Variants in AR observed in about 807,000 individuals in gnomAD.
AR encodes androgen receptor.
AR carries 8 observed loss-of-function variants against 53.9 expected under a neutral mutation model. The observed-to-expected ratio is 0.15, with a 90% CI of 0.09 to 0.27. The LOEUF (loss-of-function observed/expected upper bound fraction) is 0.27. Ranked by LOEUF, AR falls within the 10% of genes least tolerant of loss-of-function variation. The pLI, the probability that AR is intolerant of heterozygous loss-of-function variation, is 1.00. For missense variants in AR, 639 were observed against 742.5 expected, an observed-to-expected ratio of 0.86 and a Z score of 1.62; for synonymous variants, 359 against 316.4, an observed-to-expected ratio of 1.13 and a Z score of -1.43.
rs2147318559 is a variant in AR at position 67,545,956 on chromosome X, C to G, written c.810C>G (p.Ala270=). Residue 270 remains alanine, a synonymous_variant, in exon 1 of 8, where the codon GCC becomes GCG. Transcript: ENST00000374690. Reference sequence around the variant, plus strand: ...AGCTTCGGGGGGATTGCATGTACGCCCCACTTTTGGGAGTTCCACCCGCTG... The same window carrying G: ...AGCTTCGGGGGGATTGCATGTACGCGCCACTTTTGGGAGTTCCACCCGCTG... ...GEQLRGDCMY[A]PLLGVPPAVR... 9 of 1,212,265 alleles carry G rather than the reference C, an allele frequency of 7.4e-6. No individual in the cohort carries two copies. The highest frequency in any genetic ancestry group is 1.0e-5 in the Non-Finnish European group (9 of 895,620).
chrX:67,631,897 C>T (rs1323384822), intron 1 of AR, among the ~76,000 whole-genome samples: 2 of 112,905 alleles, frequency 1.8e-5, no homozygotes, highest in Admixed American at 9.3e-5. Context: ...AGTACCCGGC[C>T]GTGTGAGGTG....
chrX:67,568,938 A>G (rs1921675757), intron 1 of AR: 1 of 1,206,856 alleles, frequency 8.3e-7, no homozygotes. Context: ...TTTGTACCGG[A>G]CTTTGTACAG....
At chrX:67,667,487 T>A (rs893273901) in intron 2 of AR, among the ~76,000 whole-genome samples, 1 of 111,707 alleles carries the variant, frequency 9.0e-6, no homozygotes, top group African/African-American at 3.2e-5. Context: ...AATCAGGTAA[T>A]GTGATTCTTC....
chrX:67,643,400 C>T lies in AR; in HGVS notation c.1761C>T (p.Ala587=), dbSNP rs756485947. Residue 587 remains alanine (A), a synonymous_variant, in exon 2 of 8, where the codon GCC becomes GCT. Coordinates refer to ENST00000374690, the MANE Select transcript of AR (RefSeq NM_000044.6). ...GCTGCAAGGTCTTCTTCAAAAGAGC[C>T]GCTGAAGGTAAAGGGTCTTGCACAT... ...CGSCKVFFKR[A]AEGKQKYLCA... The T allele has an allele frequency of 4.2e-5, 51 of 1,207,388 alleles. No homozygotes were observed. Among genetic ancestry groups the T allele is most frequent in the East Asian group, 3.0e-5 (1 of 33,669 alleles).
Position 67,729,097 on chromosome X carries a change from A to T in AR, c.*5256A>T, listed in dbSNP as rs1237103765. On this transcript the variant is annotated 3_prime_UTR_variant, in exon 8 of 8. Transcript: ENST00000374690. ...AGCAAGCGCTCTATCTTTCACACAAATTCCCTCACCTGAGATTGAGGTGCT... is the reference window on the plus strand; with the variant it reads ...AGCAAGCGCTCTATCTTTCACACAATTTCCCTCACCTGAGATTGAGGTGCT... The T allele has an allele frequency of 5.7e-6, 1 of 174,629 alleles. No homozygotes were observed. Among genetic ancestry groups the T allele is most frequent in the Non-Finnish European group, 1.1e-5 (1 of 91,418 alleles). 14.4% of individuals were successfully genotyped at this position (174,629 alleles called of 1,213,427 possible).
Position 67,725,364 on chromosome X carries a change from C to G in AR, c.*1523C>G, listed in dbSNP as rs1241355451. ...AGCTGGGCGTCTTGCCCTTGTCCCCCAGAGATGATACCCTCCCAGCAAGTG... is the reference window on the plus strand; with the variant it reads ...AGCTGGGCGTCTTGCCCTTGTCCCCGAGAGATGATACCCTCCCAGCAAGTG... On this transcript the variant is annotated 3_prime_UTR_variant, in exon 8 of 8. Coordinates refer to ENST00000374690, the MANE Select transcript of AR (RefSeq NM_000044.6). The G allele has an allele frequency of 5.7e-6, 1 of 174,138 alleles. No individual in the cohort carries two copies. Among genetic ancestry groups the G allele is most frequent in the East Asian group, 8.1e-5 (1 of 12,329 alleles). 14.4% of individuals were successfully genotyped at this position (174,138 alleles called of 1,213,427 possible).
chrX:67,684,155 G>C (rs1347061505), intron 2 of AR, among the ~76,000 whole-genome samples: 2 of 111,762 alleles, frequency 1.8e-5, no homozygotes, highest in African/African-American at 3.3e-5. Context: ...ACCAGTTCTA[G>C]AACAGCTACA....
intron 1 of AR, among the ~76,000 whole-genome samples, chrX:67,626,634 ATT>A (rs57235951): frequency 2.2e-5 from 2 of 89,125 alleles, no homozygotes; most frequent in African/African-American, 7.5e-5. Context: ...ATATATATAT[ATT>A]TATTATTATT....
chrX:67,629,958 T>G (rs1183303726), intron 1 of AR, among the ~76,000 whole-genome samples: 1 of 111,650 alleles, frequency 9.0e-6, no homozygotes, highest in Non-Finnish European at 1.9e-5. Context: ...TTGAGTGAGA[T>G]TCTTAATACT....
At position 67,723,722 on chromosome X, in the gene AR, C is replaced by G. The variant is rs2076146960; in HGVS notation, c.2644C>G (p.Leu882Val). 8.3e-7 allele frequency: 1 copy of G among 1,210,776 alleles called. No homozygotes were observed. The highest frequency in any genetic ancestry group is 1.1e-6 in the Non-Finnish European group (1 of 895,024). ...RELHQFTFDL[L>V]IKSHMVSVDF... ...GCTGCATCAGTTCACTTTTGACCTG[C>G]TAATCAAGTCACACATGGTGAGCGT... is the stretch of plus-strand genomic sequence containing the variant. The change falls in exon 8 of 8, where the codon CTA (leucine) becomes GTA (valine). Residue 882 changes from leucine to valine, a missense_variant. Transcript: ENST00000374690.
Position 67,545,904 on chromosome X carries a change from C to T in AR, c.758C>T (p.Ala253Val), listed in dbSNP as rs769445750. Residue 253 changes from alanine to valine, a missense_variant, in exon 1 of 8, where the codon GCG (alanine) becomes GTG (valine). By Grantham distance (64) the Ala-to-Val change is moderately conservative. Around this residue, in one of 5 missense-constraint regions of AR, gnomAD observed 423 missense variants for 377.0 expected, o/e 1.12. Transcript: ENST00000374690. ...GTGTCCATGGGCCTGGGTGTGGAGG[C>T]GTTGGAGCATCTGAGTCCAGGGGAA... ...VSVSMGLGVE[A>V]LEHLSPGEQL... 4 of 1,210,424 alleles carry T rather than the reference C, an allele frequency of 3.3e-6. No homozygotes were observed. The African/African-American group carries it at 5.2e-5, about 16-fold the overall frequency.
intron 2 of AR, among the ~76,000 whole-genome samples, chrX:67,660,471 A>T (rs1015608035): frequency 1.8e-5 from 2 of 111,572 alleles, no homozygotes; most frequent in African/African-American, 6.5e-5. Context: ...TAAATAGGGA[A>T]TCCTTTCCCC....
At chrX:67,685,914 T>C in intron 2 of AR, 96 bp from the exon 3 acceptor site, 1 of 1,157,919 alleles carries the variant, frequency 8.6e-7, no homozygotes, top group Non-Finnish European at 1.2e-6. Flanking sequence ...TGTGGTAGGA[T>C]ATAATTTCAT....
At chrX:67,655,673 G>C (rs939552729) in intron 2 of AR, among the ~76,000 whole-genome samples, 1 of 110,774 alleles carries the variant, frequency 9.0e-6, no homozygotes, top group African/African-American at 3.3e-5. Context: ...TGTGACCTTG[G>C]GAAAATGATA....
At chrX:67,704,561 A>T (rs1023858251) in intron 3 of AR, among the ~76,000 whole-genome samples, 10 of 111,448 alleles carry the variant, frequency 9.0e-5, no homozygotes, top group Non-Finnish European at 1.9e-4. Context: ...TTGTCAGATG[A>T]GTAGATGGAA....
At chrX:67,661,728 C>G (rs751621743) in intron 2 of AR, among the ~76,000 whole-genome samples, 1 of 111,579 alleles carries the variant, frequency 9.0e-6, no homozygotes, top group South Asian at 3.8e-4. Flanking sequence ...GGAGGATTCC[C>G]TCTTTTTCTA....
At chrX:67,650,235 G>A (rs1353418217) in intron 2 of AR, among the ~76,000 whole-genome samples, 1 of 112,028 alleles carries the variant, frequency 8.9e-6, no homozygotes, top group Non-Finnish European at 1.9e-5. Context: ...GAACCAAAAA[G>A]AGCCCATATA....
At chrX:67,664,902 G>A (rs1248502474) in intron 2 of AR, among the ~76,000 whole-genome samples, 1 of 112,856 alleles carries the variant, frequency 8.9e-6, no homozygotes, top group East Asian at 2.8e-4. Context: ...TGTGGGCGTA[G>A]GACCCTCTGA....
chrX:67,623,970 C>T (rs1924495384), intron 1 of AR, among the ~76,000 whole-genome samples: 1 of 110,921 alleles, frequency 9.0e-6, no homozygotes. Context: ...AGGCATGGAT[C>T]ATGAGGCCTT....
Sources: allele counts gnomAD v4.1 joint callset (sites outside exome capture counted in the v4.1 genomes callset), GRCh38; gene constraint gnomAD v4.1.1; regional missense constraint gnomAD v4.1.1; transcripts MANE v1.5; gene names NCBI Gene and HGNC (gene_info 2026-07-23, HGNC 2026-07-21).